Variants in TMTC2 observed in about 807,000 individuals in gnomAD.
The protein encoded by TMTC2 is protein O-mannosyl-transferase TMTC2.
TMTC2 carries 43 observed loss-of-function variants against 82.4 expected under a neutral mutation model. That is an observed-to-expected ratio of 0.52 (90% CI 0.41 to 0.67). The LOEUF is 0.67. TMTC2 is among the 30% of genes least tolerant of loss of function. The pLI is 0.00. For missense variants in TMTC2, 919 were observed against 1,012.4 expected, an observed-to-expected ratio of 0.91 and a Z score of 1.25; for synonymous variants, 408 against 381.9, an observed-to-expected ratio of 1.07 and a Z score of -0.80.
intron 1 of TMTC2, among the ~76,000 whole-genome samples, chr12:82,778,421 T>A (rs1253175067): frequency 3.3e-5 from 5 of 152,130 alleles, no homozygotes; most frequent in Non-Finnish European, 5.9e-5. Flanking sequence ...GTCAGTCAAT[T>A]AAGAATTCTC....
At chr12:82,715,291 A>C (rs1421191873) in intron 1 of TMTC2, among the ~76,000 whole-genome samples, 1 of 152,078 alleles carries the variant, frequency 6.6e-6, no homozygotes, top group African/African-American at 2.4e-5. Context: ...AAAAAACAAA[A>C]AAGAAAAGGC....
chr12:82,876,028 C>CGGTGGTGGTGGT lies in TMTC2; in HGVS notation c.654+18477_654+18488dup, dbSNP rs748180026. 1.9e-3 allele frequency among the ~76,000 whole-genome samples: 155 copies of CGGTGGTGGTGGT among 83,462 alleles called. 3 individuals carry two copies. The highest frequency in any genetic ancestry group is 4.3e-3 in the African/African-American group (83 of 19,256). 54.8% of individuals were successfully genotyped at this position (83,462 alleles called of 152,430 possible). On this transcript the variant is annotated intron_variant, in intron 2 of 11. Transcript: ENST00000321196. ...GTAATGGTAATGGTAGTAGTGGTGG[C>CGGTGGTGGTGGT]GGTGGTGGTGGTGGTGGTGGTGGTG...
At chr12:82,792,098 C>T (rs1490601017) in intron 1 of TMTC2, among the ~76,000 whole-genome samples, 2 of 151,308 alleles carry the variant, frequency 1.3e-5, no homozygotes, top group East Asian at 2.0e-4. Flanking sequence ...AGAGTGTGAA[C>T]AGCCTTGAGT....
rs574271521 is a variant in TMTC2 at position 82,750,111 on chromosome 12, A to G, written c.83+62442A>G. ...TCTCACAGAAAAACATACAGTAGCC[A>G]ATTCGGATATTTCTGTGATGGCTCA... is the stretch of plus-strand genomic sequence containing the variant. On this transcript the variant is annotated intron_variant, in intron 1 of 11. Transcript: ENST00000321196. Among the ~76,000 whole-genome samples, 7 of 152,278 alleles carry G rather than the reference A, an allele frequency of 4.6e-5. 1 individual carries two copies. In the East Asian group the frequency reaches 7.7e-4, roughly 17 times the overall value.
At chr12:82,936,069 G>T (rs1876300746) in intron 4 of TMTC2, among the ~76,000 whole-genome samples, 1 of 151,852 alleles carries the variant, frequency 6.6e-6, no homozygotes, top group Non-Finnish European at 1.5e-5. Flanking sequence ...GTTATAACTG[G>T]ATATATGCTT....
intron 7 of TMTC2, among the ~76,000 whole-genome samples, chr12:82,981,516 G>A (rs1289587131): frequency 6.6e-6 from 1 of 151,882 alleles, no homozygotes; most frequent in Non-Finnish European, 1.5e-5. Flanking sequence ...ATAAATCTGG[G>A]TGATGAACCT....
chr12:83,122,605 G>A (rs1884989096), intron 11 of TMTC2, among the ~76,000 whole-genome samples: 1 of 152,132 alleles, frequency 6.6e-6, no homozygotes, highest in African/African-American at 2.4e-5. Flanking sequence ...CGCCAGTGGG[G>A]GTGTGTGTTC....
At chr12:82,948,330 A>C (rs1339485956) in intron 4 of TMTC2, among the ~76,000 whole-genome samples, 1 of 151,770 alleles carries the variant, frequency 6.6e-6, no homozygotes, top group Non-Finnish European at 1.5e-5. Context: ...ATACCACTGC[A>C]CTCCAGCCTG....
At chr12:83,054,307 A>G (rs534159981) in intron 10 of TMTC2, among the ~76,000 whole-genome samples, 1 of 152,264 alleles carries the variant, frequency 6.6e-6, no homozygotes, top group South Asian at 2.1e-4. Flanking sequence ...AAATAGGAAC[A>G]TTATAATGTC....
At chr12:82,937,730 ATGTGTGTG>A (rs1479455766) in intron 4 of TMTC2, among the ~76,000 whole-genome samples, 901 of 26,412 alleles carry the variant, frequency 0.034, 21 homozygotes, top group East Asian at 0.11. Flanking sequence ...GTGTGTGTGG[ATGTGTGTG>A]TGTGTGTGTG....
At chr12:83,059,885 G>A (rs1379471962) in intron 10 of TMTC2, among the ~76,000 whole-genome samples, 3 of 151,700 alleles carry the variant, frequency 2.0e-5, no homozygotes, top group Non-Finnish European at 2.9e-5. Flanking sequence ...TCACTTCAAA[G>A]TAACTGACTT....
intron 1 of TMTC2, among the ~76,000 whole-genome samples, chr12:82,693,044 A>G (rs1032253600): frequency 2.6e-5 from 4 of 152,214 alleles, no homozygotes; most frequent in African/African-American, 9.7e-5. Flanking sequence ...AGTGCATAGT[A>G]CAACTACAGC....
chr12:82,698,978 A>G (rs1158599651), intron 1 of TMTC2, among the ~76,000 whole-genome samples: 1 of 152,194 alleles, frequency 6.6e-6, no homozygotes, highest in Admixed American at 6.5e-5. Flanking sequence ...TGCCCTTTAC[A>G]ACTTATGAAT....
intron 9 of TMTC2, among the ~76,000 whole-genome samples, chr12:83,047,545 A>G (rs149799264): frequency 6.6e-6 from 1 of 152,358 alleles, no homozygotes; most frequent in African/African-American, 2.4e-5. Flanking sequence ...ATCACATAGC[A>G]GAACACTAAT....
chr12:83,089,843 A>AC (rs138961107), intron 11 of TMTC2, among the ~76,000 whole-genome samples: 2,986 of 149,702 alleles, frequency 0.02, 98 homozygotes, highest in African/African-American at 0.071. Flanking sequence ...CAAAAAACAA[A>AC]AAACAAAAAA....
rs534428205 is a variant in TMTC2, at chr12:83,122,550, C to G, written c.2332-9660C>G. Among the ~76,000 whole-genome samples, 10 of 152,228 alleles carry G rather than the reference C, an allele frequency of 6.6e-5. No homozygotes were observed. In the East Asian group the frequency reaches 1.9e-3, roughly 29 times the overall value. On this transcript the variant is annotated intron_variant, in intron 11 of 11. Coordinates refer to ENST00000321196, the MANE Select transcript of TMTC2 (RefSeq NM_152588.3). The stretch of plus-strand genomic sequence containing the variant: ...CTCAGCTGTCTAAATTGACTCAGCT[C>G]CAGGCAAAGTCACAATCTTCTCCCG...
intron 2 of TMTC2, among the ~76,000 whole-genome samples, chr12:82,866,067 C>G (rs1274171579): frequency 6.6e-6 from 1 of 151,978 alleles, no homozygotes; most frequent in Non-Finnish European, 1.5e-5. Context: ...CAGGAAAGAT[C>G]TAAAATTGAC....
chr12:82,687,301 G>C lies in TMTC2; in HGVS notation c.-286G>C, dbSNP rs1473374403. On this transcript the variant is annotated 5_prime_UTR_variant, in exon 1 of 12. Coordinates refer to ENST00000321196, the MANE Select transcript of TMTC2 (RefSeq NM_152588.3). ...CGCGAAAGACCAGCCCTGCGCTTCC[G>C]CCGGGGGACGCGGAGCCCAAACGCC... The C allele has an allele frequency of 1.4e-5, 7 of 504,482 alleles. 1 individual carries two copies. The East Asian group carries it at 2.5e-4, about 18-fold the overall frequency. 31.3% of individuals were successfully genotyped at this position (504,482 alleles called of 1,614,324 possible).
chr12:83,115,894 T>C (rs542533554), intron 11 of TMTC2, among the ~76,000 whole-genome samples: 8 of 152,214 alleles, frequency 5.3e-5, no homozygotes, highest in African/African-American at 1.9e-4. Context: ...TTCAAGCAAT[T>C]ACCCTGCCTC....
Sources: allele counts gnomAD v4.1 joint callset (sites outside exome capture counted in the v4.1 genomes callset), GRCh38; gene constraint gnomAD v4.1.1; transcripts MANE v1.5; gene names NCBI Gene and HGNC (gene_info 2026-07-23, HGNC 2026-07-21).